UNC79: variants seen among roughly 807,000 people sequenced by gnomAD.
UNC79 encodes unc-79 subunit of NALCN channel complex, also known as protein unc-79 homolog.
Under a neutral mutation model 283.1 loss-of-function variants are expected in UNC79, and 37 were observed. The ratio of observed to expected loss-of-function variants is 0.13; its 90% CI spans 0.10 to 0.17. The LOEUF is 0.17. Among genes scored for constraint, UNC79 ranks in the 10% least tolerant of loss-of-function variants. The pLI, the probability that UNC79 is intolerant of heterozygous loss-of-function variation, is 1.00. For missense variants in UNC79, 2,272 were observed against 3,211.1 expected (o/e 0.71, Z 7.07); for synonymous variants, 1,107 against 1,200.2 (o/e 0.92, Z 1.61).
At chr14:93,469,027 C>T (rs773122374) in intron 2 of UNC79, among the ~76,000 whole-genome samples, 3 of 152,122 alleles carry the variant, frequency 2.0e-5, no homozygotes, top group Non-Finnish European at 4.4e-5. Context: ...AAACAGTTTC[C>T]TTTATGACAA....
chr14:93,685,760 C>G (rs1053216968), intron 42 of UNC79, among the ~76,000 whole-genome samples: 1 of 152,206 alleles, frequency 6.6e-6, no homozygotes, highest in African/African-American at 2.4e-5. Context: ...TGTGGTTTCT[C>G]TCATACGGCT....
At chr14:93,692,034 T>C in intron 46 of UNC79, 88 bp downstream of exon 49, 1 of 1,464,860 alleles carries the variant, frequency 6.8e-7, no homozygotes, top group Non-Finnish European at 9.5e-7. Flanking sequence ...TTTTCACAGA[T>C]CTCAGTTGTA....
At chr14:93,467,608 T>C in intron 1 of UNC79, 63 bp from the exon 2 acceptor site, 10 of 1,276,912 alleles carry the variant, frequency 7.8e-6, no homozygotes, top group Non-Finnish European at 9.9e-6. Flanking sequence ...AGATGATTCT[T>C]CTCTTTCTTT....
At chr14:93,622,120 C>T (rs781387821) in exon 30 of UNC79, 9 of 1,614,104 alleles carry the variant, frequency 5.6e-6, no homozygotes, top group Admixed American at 1.7e-5. Flanking sequence ...CCTCCGACAG[C>T]GACTCTCTTG....
At chr14:93,503,844 T>G (rs1196018710) in intron 7 of UNC79, among the ~76,000 whole-genome samples, 1 of 152,018 alleles carries the variant, frequency 6.6e-6, no homozygotes, top group Non-Finnish European at 1.5e-5. Flanking sequence ...TCATGTCCTA[T>G]CTAAGAAAAT....
intron 23 of UNC79, among the ~76,000 whole-genome samples, chr14:93,597,054 T>C (rs2065129952): frequency 6.6e-6 from 1 of 152,074 alleles, no homozygotes; most frequent in African/African-American, 2.4e-5. Flanking sequence ...GAAATATAGC[T>C]GAAAGTTAAA....
intron 4 of UNC79, among the ~76,000 whole-genome samples, chr14:93,484,257 T>C (rs1482851049): frequency 1.3e-5 from 2 of 152,212 alleles, no homozygotes; most frequent in Non-Finnish European, 2.9e-5. Flanking sequence ...CCTAGAACAA[T>C]GTTTAGTATA....
At chr14:93,681,756 C>T (rs1187946719) in intron 41 of UNC79, among the ~76,000 whole-genome samples, 1 of 152,246 alleles carries the variant, frequency 6.6e-6, no homozygotes, top group Non-Finnish European at 1.5e-5. Context: ...AACTCTACTT[C>T]ATGGTTAACT....
intron 1 of UNC79, among the ~76,000 whole-genome samples, chr14:93,440,099 T>A (rs1013773498): frequency 1.2e-4 from 19 of 152,196 alleles, no homozygotes; most frequent in Admixed American, 1.1e-3. Flanking sequence ...ACTATTCCTA[T>A]AGGATGATAT....
At chr14:93,546,262 G>C (rs2061597189) in intron 14 of UNC79, among the ~76,000 whole-genome samples, 1 of 152,116 alleles carries the variant, frequency 6.6e-6, no homozygotes, top group Admixed American at 6.5e-5. Flanking sequence ...TTTGAATTTT[G>C]GAGAAGGGCT....
intron 1 of UNC79, among the ~76,000 whole-genome samples, chr14:93,353,488 T>C (rs769377620): frequency 3.9e-5 from 6 of 152,216 alleles, no homozygotes; most frequent in Non-Finnish European, 8.8e-5. Context: ...TTAGCCTCTC[T>C]TTTTTTCTGT....
At chr14:93,546,103 T>C (rs898413056) in intron 14 of UNC79, among the ~76,000 whole-genome samples, 4 of 152,238 alleles carry the variant, frequency 2.6e-5, no homozygotes, top group African/African-American at 7.2e-5. Context: ...TCTTAGGTTC[T>C]ATCATAGTGA....
chr14:93,544,196 A>G (rs922376787), intron 14 of UNC79, among the ~76,000 whole-genome samples: 5 of 152,234 alleles, frequency 3.3e-5, no homozygotes, highest in Non-Finnish European at 7.3e-5. Flanking sequence ...TTAACTGATA[A>G]CAGTTTAACT....
chr14:93,460,355 A>G (rs1318172703), intron 1 of UNC79, among the ~76,000 whole-genome samples: 1 of 151,786 alleles, frequency 6.6e-6, no homozygotes, highest in Non-Finnish European at 1.5e-5. Context: ...TAAAAATACA[A>G]AAAAATTAGT....
At chr14:93,386,062 A>T (rs1447497538) in intron 1 of UNC79, among the ~76,000 whole-genome samples, 1 of 152,126 alleles carries the variant, frequency 6.6e-6, no homozygotes, top group Non-Finnish European at 1.5e-5. Context: ...ATCTTAGGGG[A>T]AAGGCTTTCA....
chr14:93,588,740 C>CA (rs397745981), intron 22 of UNC79, among the ~76,000 whole-genome samples: 1,783 of 17,550 alleles, frequency 0.1, 236 homozygotes, highest in African/African-American at 0.14. Context: ...GACTCCGTCT[C>CA]AAAAAAAAAA....
chr14:93,462,694 T>C (rs2057002661), intron 1 of UNC79, among the ~76,000 whole-genome samples: 2 of 152,142 alleles, frequency 1.3e-5, no homozygotes, highest in South Asian at 2.1e-4. Context: ...TTAATAGGAC[T>C]TAGTAATGGA....
intron 5 of UNC79, among the ~76,000 whole-genome samples, chr14:93,493,332 A>G (rs2058829048): frequency 1.3e-5 from 2 of 152,276 alleles, no homozygotes; most frequent in South Asian, 2.1e-4. Context: ...GGGCTGGAAC[A>G]TGCAGGGTGT....
At chr14:93,529,417 AGAC>A in intron 10 of UNC79, 91 bp downstream of exon 10, 1 of 1,395,266 alleles carries the variant, frequency 7.2e-7, no homozygotes. Context: ...TATTTTACAA[AGAC>A]AGTCACCAAA....
Sources: gnomAD v4.1 joint callset for allele counts (sites outside exome capture counted in the v4.1 genomes callset) on GRCh38, gnomAD v4.1.1 for gene constraint, MANE v1.5 for transcripts, NCBI Gene and HGNC (gene_info 2026-07-23, HGNC 2026-07-21) for gene names.